Variants in VPS13D observed in about 807,000 individuals in gnomAD.
VPS13D encodes vacuolar protein sorting 13 homolog D, also known as intermembrane lipid transfer protein VPS13D.
A neutral mutation model predicts 461.9 loss-of-function variants in VPS13D; 187 were observed. The ratio of observed to expected loss-of-function variants is 0.40; its 90% CI spans 0.36 to 0.46. The LOEUF (loss-of-function observed/expected upper bound fraction) is 0.46. Among genes scored for constraint, VPS13D ranks in the 20% least tolerant of loss-of-function variants. VPS13D has a pLI of 0.60. For synonymous variants in VPS13D, 1,951 were observed against 1,986.3 expected (o/e 0.98, Z 0.47); for missense variants, 4,711 against 5,364.9 (o/e 0.88, Z 3.81).
At chr1:12,241,717 G>C (rs1640380224) in intron 2 of VPS13D, among the ~76,000 whole-genome samples, 2 of 152,294 alleles carry the variant, frequency 1.3e-5, no homozygotes, top group East Asian at 1.9e-4. Flanking sequence ...TATTACACTT[G>C]TAAGTAGAGG....
At chr1:12,345,114 T>C (rs28460077) in intron 42 of VPS13D, 50,408 of 332,778 alleles carry the variant, frequency 0.15, 8,010 homozygotes, top group African/African-American at 0.51. Flanking sequence ...GGCTCGTGTT[T>C]AGGTTTTGCG....
In VPS13D at chr1:12,283,754, T is replaced by TG. The variant is rs1557685249; in HGVS notation, c.5634+20dup. 1 of 1,596,036 alleles carries TG rather than the reference T, an allele frequency of 6.3e-7. No homozygotes were observed. Among genetic ancestry groups the TG allele is most frequent in the South Asian group, 1.1e-5 (1 of 89,718 alleles). ...ATCTCAAGGTATCCTCAGTTCCCTT[T>TG]GGCTCCCTTAAGCTCTAAAAATGGA... On this transcript the variant is annotated intron_variant, in intron 21 of 69. Coordinates refer to ENST00000620676, the MANE Select transcript of VPS13D (RefSeq NM_015378.4).
chr1:12,309,498 G>T (rs904672620), intron 27 of VPS13D, among the ~76,000 whole-genome samples: 2 of 151,012 alleles, frequency 1.3e-5, no homozygotes, highest in Non-Finnish European at 3.0e-5. Context: ...GGTGGCTCAT[G>T]CCTGTAATCC....
In VPS13D at chr1:12,256,520, C is replaced by T; in HGVS notation, c.840+17C>T. On this transcript the variant is annotated intron_variant, in intron 8 of 69. Transcript: ENST00000620676. ...CTCTCTCAGGTATGCCCTTTCTTCT[C>T]AGTGGCATCTACTTACTGTCAAACT... 1 of 1,612,586 alleles carries T rather than the reference C, an allele frequency of 6.2e-7. No homozygotes were observed. Among genetic ancestry groups the T allele is most frequent in the Non-Finnish European group, 8.5e-7 (1 of 1,179,058 alleles).
chr1:12,341,226 T>A (rs1241992065), intron 40 of VPS13D, among the ~76,000 whole-genome samples: 1 of 152,214 alleles, frequency 6.6e-6, no homozygotes, highest in Non-Finnish European at 1.5e-5. Context: ...AACAATTTTG[T>A]TTGAAAAGCT....
chr1:12,376,825 T>A (rs191588373), intron 55 of VPS13D, among the ~76,000 whole-genome samples: 95 of 152,176 alleles, frequency 6.2e-4, no homozygotes, highest in African/African-American at 2.1e-3. Flanking sequence ...GGAGTGTAGG[T>A]GTGACTGAAA....
intron 67 of VPS13D, among the ~76,000 whole-genome samples, chr1:12,476,740 T>C (rs937836729): frequency 2.3e-4 from 35 of 152,128 alleles, no homozygotes; most frequent in Non-Finnish European, 5.9e-5. Context: ...TACAAAAGCA[T>C]AGACAAGAGG....
Position 12,261,888 on chromosome 1 carries a change from C to T in VPS13D, c.1415-13C>T. Reference sequence around the variant, plus strand: ...ACGTTTTTTCTTACAGTCTTTTCTCCCTTACCATTTAGGCACTGAGGAGTT... The same window carrying T: ...ACGTTTTTTCTTACAGTCTTTTCTCTCTTACCATTTAGGCACTGAGGAGTT... On this transcript the variant is annotated splice_polypyrimidine_tract_variant and intron_variant, in intron 12 of 69. Transcript: ENST00000620676. 6.3e-7 allele frequency: 1 copy of T among 1,593,284 alleles called. No homozygotes were observed. The highest frequency in any genetic ancestry group is 1.1e-5 in the South Asian group (1 of 88,260).
chr1:12,486,383 T>G (rs928067089), intron 67 of VPS13D, among the ~76,000 whole-genome samples: 1 of 152,178 alleles, frequency 6.6e-6, no homozygotes, highest in African/African-American at 2.4e-5. Flanking sequence ...AAAAATCATT[T>G]GAAGAGAGTT....
chr1:12,463,025 T>A (rs114593100), intron 67 of VPS13D, among the ~76,000 whole-genome samples: 17 of 152,242 alleles, frequency 1.1e-4, no homozygotes, highest in Non-Finnish European at 2.2e-4. Flanking sequence ...CTAATTGAAG[T>A]TTAACTGCAA....
chr1:12,354,267 A>G, intron 47 of VPS13D, 46 bp downstream of exon 47: 1 of 1,599,556 alleles, frequency 6.3e-7, no homozygotes, highest in Non-Finnish European at 8.5e-7. Context: ...CTATGAAAAT[A>G]TCAATGAGTA....
At chr1:12,343,078 A>T in intron 42 of VPS13D, 27 bp downstream of exon 42, 2 of 1,554,298 alleles carry the variant, frequency 1.3e-6, no homozygotes, top group Non-Finnish European at 8.8e-7. Context: ...TCTTTTCTTT[A>T]AAAAAAAGAA....
intron 35 of VPS13D, among the ~76,000 whole-genome samples, chr1:12,326,117 A>C (rs1388204027): frequency 6.6e-6 from 1 of 151,380 alleles, no homozygotes; most frequent in African/African-American, 2.4e-5. Context: ...ACTGGTTTAC[A>C]TTAACTTACC....
intron 68 of VPS13D, among the ~76,000 whole-genome samples, chr1:12,498,176 A>G (rs945745605): frequency 6.6e-6 from 1 of 152,202 alleles, no homozygotes; most frequent in African/African-American, 2.4e-5. Context: ...TCACTATTTT[A>G]GGATATTTTG....
Position 12,338,248 on chromosome 1 carries a change from C to G in VPS13D, c.8569C>G (p.Leu2857Val). ...CFGQSLPLVY[L>V]RTRSTASLTN... Reference sequence around the variant, plus strand: ...TCTACCAGGCCTCCCCCTTGTCTACCTTAGAACTAGGAGTACAGCCAGTCT... The same window carrying G: ...TCTACCAGGCCTCCCCCTTGTCTACGTTAGAACTAGGAGTACAGCCAGTCT... Residue 2857 changes from leucine to valine, a missense_variant, in exon 40 of 70, where the codon CTT (leucine) becomes GTT (valine). Leu to Val is a conservative substitution (Grantham distance 32, BLOSUM62 1). Transcript: ENST00000620676. The G allele has an allele frequency of 1.2e-6, 2 of 1,613,640 alleles. No homozygotes were observed. The highest frequency in any genetic ancestry group is 2.2e-5 in the South Asian group (2 of 91,066).
chr1:12,508,899 G>A lies in VPS13D; in HGVS notation c.13042G>A (p.Val4348Met). The A allele has an allele frequency of 1.9e-6, 3 of 1,614,092 alleles. No individual in the cohort carries two copies. The South Asian group carries it at 3.3e-5, about 18-fold the overall frequency. ...GPSHQKPMVH[V>M]KSEVLAVKLS... ...ATCCTGTTCTCCTCCTTAGGTCCAT[G>A]TGAAATCTGAGGTCCTTGCTGTCAA... The change falls in exon 70 of 70, where the codon GTG (valine) becomes ATG (methionine). Residue 4348 changes from valine to methionine, a missense_variant. Physicochemically the swap from Val to Met is conservative, Grantham distance 21 (BLOSUM62 1). Coordinates refer to ENST00000620676, the MANE Select transcript of VPS13D (RefSeq NM_015378.4).
intron 57 of VPS13D, among the ~76,000 whole-genome samples, chr1:12,381,980 T>TTCTTTCTTTCTTTCTC (rs1318974573): frequency 3.4e-4 from 44 of 131,236 alleles, no homozygotes; most frequent in Non-Finnish European, 4.6e-4. Context: ...CTTTCTTTCT[T>TTCTTTCTTTCTTTCTC]TCTCTCTCTC....
intron 63 of VPS13D, among the ~76,000 whole-genome samples, chr1:12,405,722 T>C (rs959710274): frequency 6.6e-6 from 1 of 152,224 alleles, no homozygotes; most frequent in African/African-American, 2.4e-5. Flanking sequence ...AGTATCCACT[T>C]GACTTGTGTG....
intron 59 of VPS13D, among the ~76,000 whole-genome samples, chr1:12,385,939 G>A (rs566958284): frequency 1.9e-4 from 29 of 152,254 alleles, no homozygotes; most frequent in Admixed American, 5.2e-4. Context: ...TCAGTCCTTT[G>A]ATAGAGGTAT....
Sources: allele counts gnomAD v4.1 joint callset (sites outside exome capture counted in the v4.1 genomes callset), GRCh38; gene constraint gnomAD v4.1.1; transcripts MANE v1.5; gene names NCBI Gene and HGNC (gene_info 2026-07-23, HGNC 2026-07-21).